The following COMMD10 variants were observed in gnomAD, a reference collection of about 807,000 sequenced individuals.
COMMD10 encodes COMM domain-containing protein 10.
In COMMD10, 33 loss-of-function variants were observed where a neutral mutation model predicts 28.9. That is an observed-to-expected ratio of 1.14 (90% CI 0.87 to 1.53). The LOEUF is 1.53. Among genes scored for constraint, COMMD10 ranks in the 40% most tolerant of loss-of-function variants. COMMD10 has a pLI of 0.00. For synonymous variants in COMMD10, 110 were observed against 81.7 expected, an observed-to-expected ratio of 1.35 and a Z score of -1.87; for missense variants, 310 against 233.4, an observed-to-expected ratio of 1.33 and a Z score of -2.14.
At chr5:116,262,467 T>A (rs1228954770) in intron 5 of COMMD10, among the ~76,000 whole-genome samples, 2 of 151,708 alleles carry the variant, frequency 1.3e-5, no homozygotes, top group Non-Finnish European at 1.5e-5. Flanking sequence ...GTTTCTTAAT[T>A]ACCAATACTA....
chr5:116,281,942 T>A (rs1002907786), intron 5 of COMMD10, among the ~76,000 whole-genome samples: 4 of 151,866 alleles, frequency 2.6e-5, no homozygotes, highest in Non-Finnish European at 5.9e-5. Flanking sequence ...GGAAAATACC[T>A]TCTTTTCCTG....
At chr5:116,130,150 C>T (rs1464558673) in intron 4 of COMMD10, among the ~76,000 whole-genome samples, 7 of 151,772 alleles carry the variant, frequency 4.6e-5, no homozygotes, top group African/African-American at 1.7e-4. Context: ...TTTCCTTGTG[C>T]ATACTCTTTA....
At chr5:116,193,947 CTG>C (rs1748438844) in intron 5 of COMMD10, among the ~76,000 whole-genome samples, 1 of 151,982 alleles carries the variant, frequency 6.6e-6, no homozygotes, top group Non-Finnish European at 1.5e-5. Flanking sequence ...TTTAAGAAAA[CTG>C]AAATGATATC....
rs372358947 is a variant in COMMD10, at chr5:116,091,146, A to T, written c.200A>T (p.Asp67Val). ...GCGGCATTTTCTCTAGAGAAACAAG[A>T]TCTTCACCTAGTTCTTGAAACAATA... Reference protein sequence around the residue: ...LQAAFSLEKQDLHLVLETISF... With the variant: ...LQAAFSLEKQVLHLVLETISF... Residue 67 changes from aspartate (D) to valine (V), a missense_variant, in exon 3 of 7, where the codon GAT becomes GTT. Coordinates refer to ENST00000274458, the MANE Select transcript of COMMD10 (RefSeq NM_016144.4). 4 of 1,610,304 alleles carry T rather than the reference A, an allele frequency of 2.5e-6. No homozygotes were observed. The African/African-American group carries it at 5.3e-5, about 21-fold the overall frequency.
intron 4 of COMMD10, among the ~76,000 whole-genome samples, chr5:116,105,744 G>A (rs890168216): frequency 1.3e-4 from 20 of 152,078 alleles, no homozygotes; most frequent in African/African-American, 1.9e-4. Flanking sequence ...GTTTATTTGC[G>A]TAGATGTGTT....
intron 4 of COMMD10, among the ~76,000 whole-genome samples, chr5:116,098,228 T>A (rs1181246420): frequency 6.6e-6 from 1 of 152,178 alleles, no homozygotes; most frequent in Admixed American, 6.5e-5. Context: ...GTGGCCAAAA[T>A]AGCCAGATGT....
At chr5:116,153,039 AC>A (rs779143956) in intron 5 of COMMD10, among the ~76,000 whole-genome samples, 8 of 152,088 alleles carry the variant, frequency 5.3e-5, no homozygotes, top group Non-Finnish European at 1.2e-4. Flanking sequence ...TAAGACTGCT[AC>A]TACATAATAG....
At chr5:116,116,743 G>C (rs1251982892) in intron 4 of COMMD10, among the ~76,000 whole-genome samples, 4 of 139,336 alleles carry the variant, frequency 2.9e-5, no homozygotes, top group Non-Finnish European at 4.5e-5. Context: ...ACGGAGTCTC[G>C]CTCTGTCGCC....
intron 4 of COMMD10, among the ~76,000 whole-genome samples, chr5:116,106,939 A>C (rs1360800288): frequency 6.6e-6 from 1 of 152,120 alleles, no homozygotes; most frequent in Admixed American, 6.5e-5. Flanking sequence ...CCAATTTGCC[A>C]GTCTGTGTCT....
intron 5 of COMMD10, among the ~76,000 whole-genome samples, chr5:116,151,440 G>A (rs1752524272): frequency 2.0e-5 from 3 of 151,622 alleles, no homozygotes. Context: ...AGTGGTACCA[G>A]TTCCTCCTCG....
chr5:116,246,304 A>G (rs181030496), intron 5 of COMMD10, among the ~76,000 whole-genome samples: 3 of 152,218 alleles, frequency 2.0e-5, no homozygotes, highest in Non-Finnish European at 4.4e-5. Context: ...TACAAGAAAA[A>G]CTACAAAACA....
chr5:116,173,849 G>GTTTTT (rs761332339), intron 5 of COMMD10, among the ~76,000 whole-genome samples: 3 of 117,140 alleles, frequency 2.6e-5, no homozygotes, highest in African/African-American at 1.1e-4. Context: ...TTTTGTTTTT[G>GTTTTT]TTTTTTTTTT....
At chr5:116,238,364 A>T (rs10519448) in intron 5 of COMMD10, among the ~76,000 whole-genome samples, 2 of 152,268 alleles carry the variant, frequency 1.3e-5, no homozygotes, top group South Asian at 4.1e-4. Flanking sequence ...GAATGAACTT[A>T]AATTGGGCAA....
chr5:116,132,220 C>T (rs1751883948), intron 4 of COMMD10, among the ~76,000 whole-genome samples: 1 of 151,890 alleles, frequency 6.6e-6, no homozygotes, highest in Non-Finnish European at 1.5e-5. Flanking sequence ...GACCAAAATG[C>T]CTTATATTTA....
At chr5:116,209,120 CT>C (rs556811506) in intron 5 of COMMD10, among the ~76,000 whole-genome samples, 4,997 of 151,362 alleles carry the variant, frequency 0.033, 115 homozygotes, top group Admixed American at 0.053. Context: ...TTTAGATCAA[CT>C]TTTTTTTTCT....
intron 5 of COMMD10, among the ~76,000 whole-genome samples, chr5:116,246,074 T>C (rs953804957): frequency 1.3e-5 from 2 of 151,942 alleles, no homozygotes; most frequent in African/African-American, 4.8e-5. Flanking sequence ...ATGATCCAAT[T>C]TCTAGAAAAC....
rs376187299 is a variant in COMMD10 at position 116,134,077 on chromosome 5, G to A, written c.409G>A (p.Val137Ile). 1.4e-5 allele frequency: 22 copies of A among 1,595,006 alleles called. No homozygotes were observed. The African/African-American group carries it at 1.5e-4, about 11-fold the overall frequency. The change falls in exon 5 of 7, where the codon GTT (valine) becomes ATT (isoleucine). Residue 137 changes from valine to isoleucine, a missense_variant. Physicochemically the swap from Val to Ile is conservative, Grantham distance 29. Transcript: ENST00000274458. ...CACCTGTCTTTTATAGCTAGAGACC[G>A]TTGGATGGCAGCTTAACCTTCAGAT... ...RILAPCKLET[V>I]GWQLNLQMAH...
chr5:116,186,105 A>G (rs1226502044), intron 5 of COMMD10, among the ~76,000 whole-genome samples: 1 of 152,046 alleles, frequency 6.6e-6, no homozygotes, highest in African/African-American at 2.4e-5. Context: ...TAGACTTTTT[A>G]CTGTCAACGT....
chr5:116,253,746 G>T (rs1454273681), intron 5 of COMMD10, among the ~76,000 whole-genome samples: 27 of 148,896 alleles, frequency 1.8e-4, no homozygotes, highest in East Asian at 3.9e-4. Flanking sequence ...AAGGATATTG[G>T]TCTAAAATTC....
Sources: allele counts gnomAD v4.1 joint callset (sites outside exome capture counted in the v4.1 genomes callset), GRCh38; gene constraint gnomAD v4.1.1; transcripts MANE v1.5; gene names NCBI Gene and HGNC (gene_info 2026-07-23, HGNC 2026-07-21).